Variants in TMEM184B observed in about 807,000 individuals in gnomAD.
TMEM184B encodes putative MAPK-activating protein FM08.
In TMEM184B, 17 loss-of-function variants were observed where a neutral mutation model predicts 41.8. The ratio of observed to expected loss-of-function variants is 0.41; its 90% CI spans 0.28 to 0.61. The LOEUF (loss-of-function observed/expected upper bound fraction) is 0.61. Ranked by LOEUF, TMEM184B falls within the 20% of genes least tolerant of loss-of-function variation. The pLI is 0.34. For synonymous variants in TMEM184B, 240 were observed against 229.5 expected (o/e 1.05, Z -0.41); for missense variants, 393 against 557.8 (o/e 0.70, Z 2.98).
intron 1 of TMEM184B, among the ~76,000 whole-genome samples, chr22:38,254,677 A>G (rs959325601): frequency 6.6e-6 from 1 of 152,122 alleles, no homozygotes; most frequent in Non-Finnish European, 1.5e-5. Flanking sequence ...AAAAACTGAA[A>G]ACACCTTCAC....
intron 3 of TMEM184B, among the ~76,000 whole-genome samples, chr22:38,243,015 T>C (rs931144840): frequency 6.9e-6 from 1 of 143,910 alleles, no homozygotes; most frequent in African/African-American, 2.6e-5. Context: ...TGAGCTGAGA[T>C]TGCCCCACTG....
rs912103023 is a variant in TMEM184B, at chr22:38,225,411, G to A, written c.787+13C>T. On this transcript the variant is annotated intron_variant, in intron 7 of 8. Coordinates refer to ENST00000361906, the MANE Select transcript of TMEM184B (RefSeq NM_012264.5). This position sits in a 1 kb window ranked among gnomAD's most constrained non-coding sequence, Gnocchi z 4.4. The stretch of plus-strand genomic sequence containing the variant: ...TGGCATGGGCAGCCTCCAGGTGCTG[G>A]GAGGGGGCTCACCTTGCCAGAAGGA... 1.9e-6 allele frequency: 3 copies of A among 1,546,330 alleles called. No individual in the cohort carries two copies. The highest frequency in any genetic ancestry group is 1.7e-4 in the Middle Eastern group (1 of 5,814).
intron 3 of TMEM184B, chr22:38,231,828 A>G: frequency 4.0e-6 from 1 of 252,650 alleles, no homozygotes; most frequent in East Asian, 9.8e-5. Flanking sequence ...TGGTGTCTGC[A>G]CCAAGTCTGG....
At chr22:38,242,144 G>A (rs981394671) in intron 3 of TMEM184B, among the ~76,000 whole-genome samples, 27 of 151,922 alleles carry the variant, frequency 1.8e-4, no homozygotes, top group African/African-American at 6.5e-4. Flanking sequence ...TTTTTTTAGT[G>A]TTTTTTAAAA....
At position 38,220,779 on chromosome 22, in the gene TMEM184B, G is replaced by A; in HGVS notation, c.*690C>T. 1.0e-6 allele frequency: 1 copy of A among 986,228 alleles called. No homozygotes were observed. The highest frequency in any genetic ancestry group is 1.2e-6 in the Non-Finnish European group (1 of 830,214). 61.1% of individuals were successfully genotyped at this position (986,228 alleles called of 1,614,324 possible). A position where few individuals can be genotyped will look rare whatever the true frequency, so the allele number is the denominator to read the frequency against. ...GAAGGGGCATGAGGCAGGCAGAGGT[G>A]TGGCCACGACAGGTGGGGATACCCA... On this transcript the variant is annotated 3_prime_UTR_variant, in exon 9 of 9. Transcript: ENST00000361906.
Position 38,247,803 on chromosome 22 carries a change from G to T in TMEM184B, c.159C>A (p.Phe53Leu). 6.2e-7 allele frequency: 1 copy of T among 1,613,998 alleles called. No individual in the cohort carries two copies. The highest frequency in any genetic ancestry group is 8.5e-7 in the Non-Finnish European group (1 of 1,179,988). ...ATGTGATGAGCAGGGCCGTCCACAC[G>T]AAGAAGCCAGAGATGGCCTGAGCGG... Reference protein sequence around the residue: ...TTAAQAISGFFVWTALLITCH... With the variant: ...TTAAQAISGFLVWTALLITCH... The change falls in exon 2 of 9, where the codon TTC becomes TTA. Residue 53 changes from phenylalanine (F) to leucine (L), a missense_variant. Coordinates refer to ENST00000361906, the MANE Select transcript of TMEM184B (RefSeq NM_012264.5).
At position 38,219,450 on chromosome 22, in the gene TMEM184B, C is replaced by T. The variant is rs1861773762; in HGVS notation, c.*2019G>A. Reference sequence around the variant, plus strand: ...CAACAAGATACAAAACTAGGAGACTCTGTCTTCTCATACATCATACAATTA... The same window carrying T: ...CAACAAGATACAAAACTAGGAGACTTTGTCTTCTCATACATCATACAATTA... On this transcript the variant is annotated 3_prime_UTR_variant, in exon 9 of 9. Transcript: ENST00000361906. 1.0e-6 allele frequency: 1 copy of T among 985,618 alleles called. No individual in the cohort carries two copies. Among genetic ancestry groups the T allele is most frequent in the Admixed American group, 6.2e-5 (1 of 16,256 alleles). 61.1% of individuals were successfully genotyped at this position (985,618 alleles called of 1,614,324 possible). A position where few individuals can be genotyped will look rare whatever the true frequency, so the allele number is the denominator to read the frequency against.
chr22:38,254,851 C>CTTTT (rs71195097), intron 1 of TMEM184B, among the ~76,000 whole-genome samples: 1 of 131,194 alleles, frequency 7.6e-6, no homozygotes, highest in Non-Finnish European at 1.6e-5. Flanking sequence ...TTGGCACTTT[C>CTTTT]TTTTTTTTTT....
At chr22:38,241,827 T>C (rs538460123) in intron 3 of TMEM184B, among the ~76,000 whole-genome samples, 5 of 132,440 alleles carry the variant, frequency 3.8e-5, no homozygotes, top group Admixed American at 9.1e-5. Context: ...GAGTTTGCAG[T>C]GAGCCGAGGT....
chr22:38,254,999 C>T (rs78625446), intron 1 of TMEM184B, among the ~76,000 whole-genome samples: 4 of 151,270 alleles, frequency 2.6e-5, no homozygotes, highest in Admixed American at 6.6e-5. Flanking sequence ...TACAGGTGCC[C>T]GCCACCATGG....
At position 38,224,903 on chromosome 22, in the gene TMEM184B, G is replaced by A. The variant is rs1302258599; in HGVS notation, c.864C>T (p.Gly288=). 2 of 1,613,368 alleles carry A rather than the reference G, an allele frequency of 1.2e-6. No homozygotes were observed. The highest frequency in any genetic ancestry group is 4.5e-5 in the East Asian group (2 of 44,860). The change falls in exon 8 of 9, where the codon GGC becomes GGT. Residue 288 remains glycine, a synonymous_variant. Coordinates refer to ENST00000361906, the MANE Select transcript of TMEM184B (RefSeq NM_012264.5). The part of the protein sequence containing the change: ...IHSARVSVGE[G]TVAAGYQDFI... ...AGTCCTGGTAGCCGGCAGCCACGGT[G>A]CCCTCGCCCACCGACACGCGGGCCG...
chr22:38,220,892 G>C lies in TMEM184B; in HGVS notation c.*577C>G, dbSNP rs1341673783. 3 of 986,178 alleles carry C rather than the reference G, an allele frequency of 3.0e-6. No individual in the cohort carries two copies. In the East Asian group the frequency reaches 3.4e-4, roughly 112 times the overall value. 61.1% of individuals were successfully genotyped at this position (986,178 alleles called of 1,614,324 possible). ...GTGGGGCCTGTGACTCCTGGTGTCT[G>C]GCTCTGATCCTTGCAGCATGCCACA... is the stretch of plus-strand genomic sequence containing the variant. On this transcript the variant is annotated 3_prime_UTR_variant, in exon 9 of 9. Transcript: ENST00000361906.
chr22:38,226,542 A>C lies in TMEM184B; in HGVS notation c.617+237T>G. 1 of 470,394 alleles carries C rather than the reference A, an allele frequency of 2.1e-6. No homozygotes were observed. Among genetic ancestry groups the C allele is most frequent in the Non-Finnish European group, 4.0e-6 (1 of 252,176 alleles). 29.1% of individuals were successfully genotyped at this position (470,394 alleles called of 1,614,324 possible). A position where few individuals can be genotyped will look rare whatever the true frequency, so the allele number is the denominator to read the frequency against. On this transcript the variant is annotated intron_variant, in intron 6 of 8. Coordinates refer to ENST00000361906, the MANE Select transcript of TMEM184B (RefSeq NM_012264.5). This position sits in a 1 kb window ranked among gnomAD's most constrained non-coding sequence, Gnocchi z 4.6. ...CCTTTGTGGCCCATCCCTTCATGGTACCACTCTGCAGCCTGGACATGAACG... is the reference window on the plus strand; with the variant it reads ...CCTTTGTGGCCCATCCCTTCATGGTCCCACTCTGCAGCCTGGACATGAACG...
chr22:38,253,297 C>T (rs550183668), intron 1 of TMEM184B, among the ~76,000 whole-genome samples: 15 of 151,706 alleles, frequency 9.9e-5, no homozygotes, highest in Admixed American at 2.0e-4. Context: ...TGGTTGGGTG[C>T]GGTGGCGAAG....
chr22:38,241,651 G>A (rs190953011), intron 3 of TMEM184B, among the ~76,000 whole-genome samples: 4 of 151,740 alleles, frequency 2.6e-5, no homozygotes, highest in African/African-American at 9.7e-5. Flanking sequence ...TTGGGAGGCC[G>A]AGGCAGGTGG....
Position 38,219,817 on chromosome 22 carries a change from C to A in TMEM184B, c.*1652G>T. ...GTCCTCAGCCTGTGTCTGCACCCAC[C>A]CTCCCGGGCAGCTTGGGCCCAACTG... On this transcript the variant is annotated 3_prime_UTR_variant, in exon 9 of 9. Transcript: ENST00000361906. The A allele has an allele frequency of 1.0e-6, 1 of 985,466 alleles. No individual in the cohort carries two copies. The highest frequency in any genetic ancestry group is 6.1e-5 in the Admixed American group (1 of 16,296). The allele number at this position is 985,466 out of a possible 1,614,324, so 61.0% of individuals were successfully genotyped here.
chr22:38,248,708 G>A lies in TMEM184B; in HGVS notation c.-58-689C>T, dbSNP rs141429369. On this transcript the variant is annotated intron_variant, in intron 1 of 8. Transcript: ENST00000361906. ...AGAATGCAGGCCCCCTGGGGACAGC[G>A]GCTCTGTTTGGGACTATACAGGCAG... Among the ~76,000 whole-genome samples, 87 of 152,240 alleles carry A rather than the reference G, an allele frequency of 5.7e-4. 1 individual carries two copies. The East Asian group carries it at 0.015, about 27-fold the overall frequency.
intron 1 of TMEM184B, among the ~76,000 whole-genome samples, chr22:38,251,248 ACCCCGG>A: frequency 6.6e-6 from 1 of 152,164 alleles, no homozygotes; most frequent in Non-Finnish European, 1.5e-5. Context: ...CTCTTGGGCA[ACCCCGG>A]TGGTTTACAA....
chr22:38,223,486 G>C (rs1237349907), intron 8 of TMEM184B: 1 of 152,532 alleles, frequency 6.6e-6, no homozygotes, highest in Non-Finnish European at 1.5e-5. Context: ...TTTGGGCACA[G>C]AGTAGGTCTT....
Sources: gnomAD v4.1 joint callset for allele counts (sites outside exome capture counted in the v4.1 genomes callset) on GRCh38, gnomAD v4.1.1 for gene constraint, Gnocchi (gnomAD v3.1) non-coding constraint, MANE v1.5 for transcripts, NCBI Gene and HGNC (gene_info 2026-07-23, HGNC 2026-07-21) for gene names.